Variants in BTD observed in about 807,000 individuals in gnomAD.
The protein encoded by BTD is biocytinase.
A neutral mutation model predicts 17.7 loss-of-function variants in BTD; 13 were observed. The ratio of observed to expected loss-of-function variants is 0.74; its 90% CI spans 0.48 to 1.17. BTD has a LOEUF of 1.17. BTD is among the 50% of genes most tolerant of loss of function. The pLI, the probability that BTD is intolerant of heterozygous loss-of-function variation, is 0.00. For synonymous variants in BTD, 240 were observed against 245.2 expected (o/e 0.98, Z 0.20); for missense variants, 674 against 650.4 (o/e 1.04, Z -0.39).
intron 3 of BTD, among the ~76,000 whole-genome samples, chr3:15,675,048 T>C (rs1326902615): frequency 2.0e-5 from 3 of 152,108 alleles, no homozygotes; most frequent in Admixed American, 1.3e-4. Context: ...GGCAGGCAGA[T>C]CACCTGAGGT....
downstream of BTD, chr3:15,714,547 A>AAAAAC: frequency 2.0e-6 from 3 of 1,463,672 alleles, no homozygotes; most frequent in South Asian, 1.3e-5. Flanking sequence ...AAAAAAAAAA[A>AAAAAC]CCCCAAAAAA....
intron 1 of BTD, among the ~76,000 whole-genome samples, chr3:15,618,269 G>A (rs1014012769): frequency 6.6e-6 from 1 of 152,288 alleles, no homozygotes; most frequent in Non-Finnish European, 1.5e-5. Flanking sequence ...TCCATATGCA[G>A]TTTAGAATCA....
intron 3 of BTD, among the ~76,000 whole-genome samples, chr3:15,692,781 A>G (rs1170379683): frequency 2.6e-5 from 4 of 152,244 alleles, no homozygotes; most frequent in African/African-American, 7.2e-5. Flanking sequence ...AATTATTTCA[A>G]TTTTTAGTTT....
In BTD at chr3:15,649,310, C is replaced by T. The variant is rs577328403; in HGVS notation, c.*3822C>T. ...GAGAGCACAGGTGGAGCCATGATGT[C>T]TTTTATTAACTAGTCTCAGAAGTCA... On this transcript the variant is annotated 3_prime_UTR_variant, in exon 4 of 4. Transcript: ENST00000643237. Among the ~76,000 whole-genome samples the T allele has an allele frequency of 7.0e-4, 107 of 152,296 alleles. No homozygotes were observed. The highest frequency in any genetic ancestry group is 1.2e-3 in the Non-Finnish European group (85 of 68,024).
At position 15,700,599 on chromosome 3, in the gene BTD, T is replaced by A. The variant is rs144065269; in HGVS notation, c.400-9461T>A. Among the ~76,000 whole-genome samples the A allele has an allele frequency of 2.8e-3, 430 of 151,864 alleles. 2 individuals are homozygous for A. The highest frequency in any genetic ancestry group is 0.01 in the Middle Eastern group (3 of 294). On this transcript the variant is annotated intron_variant, in intron 3 of 3. Coordinates refer to the BTD transcript ENST00000672141. ...GACCATCCTGGCCAACATGGTGAAA[T>A]CTTGTCTCTACCAAGAGTACAAAAA...
At chr3:15,713,418 C>A (rs2072588576), downstream of BTD, 4 of 798,754 alleles carry the variant, frequency 5.0e-6, no homozygotes, top group Admixed American at 8.4e-5. Flanking sequence ...GCAATTAATA[C>A]AACATTGAGG....
intron 1 of BTD, chr3:15,631,283 G>C: frequency 1.5e-6 from 1 of 655,460 alleles, no homozygotes; most frequent in South Asian, 2.3e-5. Context: ...TCATAGGATT[G>C]CTATTCTCCC....
At chr3:15,703,180 A>T (rs2070866729) in intron 3 of BTD, among the ~76,000 whole-genome samples, 1 of 152,236 alleles carries the variant, frequency 6.6e-6, no homozygotes. Flanking sequence ...TTTTGGTAAT[A>T]AAAAATATCA....
intron 3 of BTD, among the ~76,000 whole-genome samples, chr3:15,667,073 G>T (rs766750539): frequency 2.6e-5 from 4 of 152,036 alleles, no homozygotes; most frequent in Non-Finnish European, 5.9e-5. Context: ...AGTATTTGTT[G>T]AATAAATATA....
intron 1 of BTD, among the ~76,000 whole-genome samples, chr3:15,603,465 G>C (rs776606934): frequency 7.9e-5 from 12 of 152,106 alleles, no homozygotes; most frequent in African/African-American, 2.9e-4. Context: ...AGACCATCCT[G>C]GTCAACACGG....
At chr3:15,628,299 C>G (rs1207915569) in intron 1 of BTD, among the ~76,000 whole-genome samples, 2 of 152,232 alleles carry the variant, frequency 1.3e-5, no homozygotes, top group Admixed American at 1.3e-4. Flanking sequence ...CACCATACAT[C>G]TAGAGATGTT....
intron 1 of BTD, among the ~76,000 whole-genome samples, chr3:15,630,973 A>G (rs2065190079): frequency 6.6e-6 from 1 of 152,332 alleles, no homozygotes; most frequent in African/African-American, 2.4e-5. Context: ...AAGAGGCAAG[A>G]GAAGACTTTC....
At chr3:15,686,144 A>G (rs2068096383) in intron 3 of BTD, 1 of 1,606,840 alleles carries the variant, frequency 6.2e-7, no homozygotes, top group Non-Finnish European at 8.5e-7. Flanking sequence ...GAATAGGTTC[A>G]GTGCTGTCAC....
At chr3:15,605,226 T>G (rs1463048012) in intron 1 of BTD, among the ~76,000 whole-genome samples, 3 of 152,196 alleles carry the variant, frequency 2.0e-5, no homozygotes, top group African/African-American at 7.2e-5. Context: ...TGGAGAGACG[T>G]CACAATCATG....
intron 3 of BTD, among the ~76,000 whole-genome samples, chr3:15,706,379 T>TG (rs71045181): frequency 1 from 152,188 of 152,190 alleles, 76,093 homozygotes; most frequent in Middle Eastern, 1. Flanking sequence ...CTCAGAATGA[T>TG]GTTTCCAGCT....
chr3:15,698,486 A>G (rs2070025936), intron 3 of BTD, among the ~76,000 whole-genome samples: 1 of 152,216 alleles, frequency 6.6e-6, no homozygotes, highest in Non-Finnish European at 1.5e-5. Flanking sequence ...TATATTTAGA[A>G]AACCCCATCG....
At chr3:15,629,404 T>C (rs987818980) in intron 1 of BTD, among the ~76,000 whole-genome samples, 3 of 152,218 alleles carry the variant, frequency 2.0e-5, no homozygotes, top group African/African-American at 7.2e-5. Context: ...CAGGTGACTC[T>C]GATGGCGTGC....
At chr3:15,699,287 C>T (rs10428224) in intron 3 of BTD, among the ~76,000 whole-genome samples, 2,570 of 152,208 alleles carry the variant, frequency 0.017, 70 homozygotes, top group African/African-American at 0.058. Flanking sequence ...CCATAAAAAA[C>T]CCTATTAGAA....
At position 15,707,829 on chromosome 3, in the gene BTD, A is replaced by C. The variant is rs545658802; in HGVS notation, c.400-2231A>C. ...GGCAAAGATAATCAACAAAAAATAC[A>C]AAGAGGAAACACAAATTTGCAACAA... On this transcript the variant is annotated intron_variant, in intron 3 of 3. Transcript: ENST00000672141. 5 of 1,437,576 alleles carry C rather than the reference A, an allele frequency of 3.5e-6. No homozygotes were observed. The East Asian group carries it at 1.2e-4, about 34-fold the overall frequency. The allele number at this position is 1,437,576 out of a possible 1,614,324, so 89.1% of individuals were successfully genotyped here.
Sources: allele counts gnomAD v4.1 joint callset (sites outside exome capture counted in the v4.1 genomes callset), GRCh38; gene constraint gnomAD v4.1.1; transcripts MANE v1.5; gene names NCBI Gene and HGNC (gene_info 2026-07-23, HGNC 2026-07-21).